TDRD10: variants seen among roughly 807,000 people sequenced by gnomAD.
TDRD10 encodes the protein tudor domain containing 10.
Under a neutral mutation model 48.0 loss-of-function variants are expected in TDRD10, and 40 were observed. The ratio of observed to expected loss-of-function variants is 0.83; its 90% CI spans 0.65 to 1.09. TDRD10 has a LOEUF of 1.09. TDRD10 is among the 50% of genes least tolerant of loss of function. The probability of loss-of-function intolerance (pLI) is 0.00; values close to 1 mark genes in which losing one functional copy is unlikely to be tolerated. For synonymous variants in TDRD10, 162 were observed against 170.4 expected (o/e 0.95, Z 0.38); for missense variants, 378 against 434.7 (o/e 0.87, Z 1.16).
intron 8 of TDRD10, 23 bp downstream of exon 8, chr1:154,542,844 A>G (rs1266170609): frequency 1.9e-6 from 3 of 1,594,304 alleles, no homozygotes; most frequent in Non-Finnish European, 2.6e-6. Context: ...TAGAAAGACC[A>G]CCAGGGCAAA....
intron 11 of TDRD10, among the ~76,000 whole-genome samples, chr1:154,545,358 A>AT (rs1695491072): frequency 6.6e-6 from 1 of 152,216 alleles, no homozygotes; most frequent in Non-Finnish European, 1.5e-5. Context: ...ACGCCAGAGC[A>AT]CAGCACTTAG....
chr1:154,547,467 T>C lies in TDRD10; in HGVS notation c.1011T>C (p.Ala337=), dbSNP rs1484360156. Residue 337 remains alanine (A), a synonymous_variant, in exon 12 of 13, where the codon GCT becomes GCC. Coordinates refer to ENST00000368482, the MANE Select transcript of TDRD10 (RefSeq NM_182499.4). ...HRILKGKITG[A]LNSALHILKF... Reference sequence around the variant, plus strand: ...TCCTCAAAGGGAAAATCACTGGTGCTTTGAACTCGGCGGTAACTGCTCCTG... The same window carrying C: ...TCCTCAAAGGGAAAATCACTGGTGCCTTGAACTCGGCGGTAACTGCTCCTG... 5 of 1,614,114 alleles carry C rather than the reference T, an allele frequency of 3.1e-6. No homozygotes were observed. Among genetic ancestry groups the C allele is most frequent in the East Asian group, 4.5e-5 (2 of 44,890 alleles).
At chr1:154,525,009 C>G (rs1694238165) in intron 6 of TDRD10, among the ~76,000 whole-genome samples, 1 of 152,208 alleles carries the variant, frequency 6.6e-6, no homozygotes, top group African/African-American at 2.4e-5. Flanking sequence ...GAGACTGCCA[C>G]TTTCTGCTTG....
At chr1:154,530,023 T>A (rs6427724) in intron 6 of TDRD10, among the ~76,000 whole-genome samples, 119,348 of 151,990 alleles carry the variant, frequency 0.79, 47,582 homozygotes, top group East Asian at 0.92. Flanking sequence ...TTCTTTTTTT[T>A]TCTGAGACAG....
At chr1:154,509,500 T>C (rs1014116779) in intron 4 of TDRD10, among the ~76,000 whole-genome samples, 2 of 152,200 alleles carry the variant, frequency 1.3e-5, no homozygotes, top group African/African-American at 4.8e-5. Flanking sequence ...GTCCCGCAGC[T>C]AAGTACACAG....
intron 4 of TDRD10, among the ~76,000 whole-genome samples, chr1:154,508,894 T>C (rs1296445352): frequency 6.6e-6 from 1 of 152,220 alleles, no homozygotes; most frequent in Non-Finnish European, 1.5e-5. Context: ...GTCAGTGCTG[T>C]GTTAGTGGGA....
In TDRD10 at chr1:154,507,032, A is replaced by T. The variant is rs546665526; in HGVS notation, c.2+127A>T. On this transcript the variant is annotated intron_variant, in intron 2 of 12. Coordinates refer to ENST00000368482, the MANE Select transcript of TDRD10 (RefSeq NM_182499.4). Reference sequence around the variant, plus strand: ...CTGGCATCTCTTGCCAGTTGATCCTAACTCTAAGTATACTTTAACTTTTAG... The same window carrying T: ...CTGGCATCTCTTGCCAGTTGATCCTTACTCTAAGTATACTTTAACTTTTAG... The T allele has an allele frequency of 1.6e-5, 26 of 1,584,380 alleles. No homozygotes were observed. In the African/African-American group the frequency reaches 3.4e-4, roughly 21 times the overall value.
At chr1:154,542,140 T>C in intron 7 of TDRD10, 74 bp downstream of exon 7, 1 of 1,497,142 alleles carries the variant, frequency 6.7e-7, no homozygotes, top group Non-Finnish European at 9.3e-7. Flanking sequence ...CAGCCCCTTC[T>C]GCAGCCTCCC....
intron 4 of TDRD10, among the ~76,000 whole-genome samples, chr1:154,512,331 TTTGTTG>T (rs757565269): frequency 6.6e-6 from 1 of 152,118 alleles, no homozygotes. Context: ...TTGTTCCTTT[TTTGTTG>T]TTGTTGTTGT....
intron 4 of TDRD10, among the ~76,000 whole-genome samples, chr1:154,516,072 C>G (rs570899282): frequency 5.9e-5 from 9 of 152,322 alleles, no homozygotes; most frequent in African/African-American, 1.9e-4. Flanking sequence ...ATGAGCCCAG[C>G]AGGGCTCTGC....
chr1:154,507,466 T>C, intron 3 of TDRD10, 146 bp downstream of exon 3: 1 of 993,686 alleles, frequency 1.0e-6, no homozygotes, highest in South Asian at 1.6e-5. Flanking sequence ...TCAGCCACCA[T>C]GTTTCCTGTC....
At chr1:154,515,478 G>T (rs1004414086) in intron 4 of TDRD10, among the ~76,000 whole-genome samples, 2 of 152,148 alleles carry the variant, frequency 1.3e-5, no homozygotes, top group African/African-American at 4.8e-5. Context: ...CCCTGTGCCC[G>T]CCTCACTCCT....
At chr1:154,524,043 A>G (rs1049636232) in intron 6 of TDRD10, among the ~76,000 whole-genome samples, 12 of 152,148 alleles carry the variant, frequency 7.9e-5, no homozygotes, top group African/African-American at 2.2e-4. Context: ...TAAGATTAAC[A>G]TTTTTATAAT....
At chr1:154,527,060 G>A (rs1276310907) in intron 6 of TDRD10, among the ~76,000 whole-genome samples, 4 of 152,014 alleles carry the variant, frequency 2.6e-5, no homozygotes, top group African/African-American at 9.7e-5. Flanking sequence ...ACAGGCACCT[G>A]CCACCACGCC....
chr1:154,532,707 C>T (rs1238024554), intron 6 of TDRD10, among the ~76,000 whole-genome samples: 1 of 152,204 alleles, frequency 6.6e-6, no homozygotes, highest in Admixed American at 6.5e-5. Context: ...GAAACTTGGA[C>T]ATTTTCTTGT....
intron 1 of TDRD10, among the ~76,000 whole-genome samples, chr1:154,503,511 C>T (rs890952715): frequency 3.3e-5 from 5 of 152,270 alleles, no homozygotes; most frequent in Admixed American, 1.3e-4. Context: ...TCGCTTGAAC[C>T]CGGGAGGCGC....
At chr1:154,528,467 C>G (rs1348357405) in intron 6 of TDRD10, among the ~76,000 whole-genome samples, 3 of 151,902 alleles carry the variant, frequency 2.0e-5, no homozygotes, top group Non-Finnish European at 4.4e-5. Flanking sequence ...CTCAGGTGAT[C>G]CGCCCACCTC....
chr1:154,524,483 T>G (rs1367153855), intron 6 of TDRD10, among the ~76,000 whole-genome samples: 1 of 152,184 alleles, frequency 6.6e-6, no homozygotes, highest in Non-Finnish European at 1.5e-5. Context: ...ATAGTAATTT[T>G]TTATTGTATG....
At chr1:154,505,419 A>AT (rs1693093530) in intron 1 of TDRD10, among the ~76,000 whole-genome samples, 1 of 152,072 alleles carries the variant, frequency 6.6e-6, no homozygotes, top group African/African-American at 2.4e-5. Flanking sequence ...TGTATCTCTG[A>AT]TTTTGCCCAT....
Sources: allele counts gnomAD v4.1 joint callset (sites outside exome capture counted in the v4.1 genomes callset), GRCh38; gene constraint gnomAD v4.1.1; transcripts MANE v1.5; gene names NCBI Gene and HGNC (gene_info 2026-07-23, HGNC 2026-07-21).